The following TMEM163 variants were observed in gnomAD, a reference collection of about 807,000 sequenced individuals.
TMEM163 encodes transmembrane protein 163.
A neutral mutation model predicts 29.3 loss-of-function variants in TMEM163; 17 were observed. The observed-to-expected ratio is 0.58, with a 90% CI of 0.40 to 0.87. The LOEUF is 0.87. Ranked by LOEUF, TMEM163 falls within the 40% of genes least tolerant of loss-of-function variation. The pLI is 0.00. For missense variants in TMEM163, 303 were observed against 381.5 expected (o/e 0.79, Z 1.71); for synonymous variants, 157 against 160.6 (o/e 0.98, Z 0.17).
At position 134,511,157 on chromosome 2, in the gene TMEM163, G is replaced by GGC. The variant is rs1553475810; in HGVS notation, c.459-8161_459-8160insGC. 4.6e-5 allele frequency among the ~76,000 whole-genome samples: 7 copies of GGC among 150,882 alleles called. 1 individual carries two copies. The East Asian group carries it at 5.9e-4, about 13-fold the overall frequency. ...AGAAAAAAGGGGAGAACAAGGCGGG[G>GGC]GGGGGTGCTGTTACTTTATATCCAG... is the stretch of plus-strand genomic sequence containing the variant. On this transcript the variant is annotated intron_variant, in intron 4 of 7. Transcript: ENST00000281924.
intron 2 of TMEM163, among the ~76,000 whole-genome samples, chr2:134,671,044 C>G (rs1233848173): frequency 6.6e-6 from 1 of 152,178 alleles, no homozygotes. Flanking sequence ...CAAAGGACCC[C>G]CTCTGGGAAC....
intron 4 of TMEM163, among the ~76,000 whole-genome samples, chr2:134,546,559 G>T (rs1320046086): frequency 6.6e-6 from 1 of 151,804 alleles, no homozygotes; most frequent in Non-Finnish European, 1.5e-5. Flanking sequence ...CAGGAGAATG[G>T]CATGAACCCG....
At chr2:134,702,481 C>T (rs1380374982) in intron 2 of TMEM163, among the ~76,000 whole-genome samples, 2 of 151,914 alleles carry the variant, frequency 1.3e-5, no homozygotes, top group African/African-American at 2.4e-5. Flanking sequence ...CGTGTCTCTA[C>T]AAAAAATTCC....
intron 4 of TMEM163, among the ~76,000 whole-genome samples, chr2:134,542,224 T>C (rs941040485): frequency 6.6e-6 from 1 of 151,848 alleles, no homozygotes; most frequent in African/African-American, 2.4e-5. Flanking sequence ...GGATAGAAAG[T>C]AAGTTATTCA....
chr2:134,666,962 T>G (rs1387305988), intron 2 of TMEM163, among the ~76,000 whole-genome samples: 1 of 152,220 alleles, frequency 6.6e-6, no homozygotes, highest in African/African-American at 2.4e-5. Context: ...CTCCTTGCAC[T>G]GCCAAAGCCC....
At chr2:134,551,814 C>T (rs1680934499) in intron 3 of TMEM163, among the ~76,000 whole-genome samples, 1 of 152,236 alleles carries the variant, frequency 6.6e-6, no homozygotes, top group Non-Finnish European at 1.5e-5. Context: ...TCTCACCCAA[C>T]CACGTTGTGG....
intron 2 of TMEM163, among the ~76,000 whole-genome samples, chr2:134,569,877 G>A (rs1242273587): frequency 6.6e-6 from 1 of 152,178 alleles, no homozygotes; most frequent in Non-Finnish European, 1.5e-5. Flanking sequence ...TGAGTAGTGT[G>A]ATAAAATCTC....
intron 2 of TMEM163, among the ~76,000 whole-genome samples, chr2:134,646,443 TTTTATTTATTTA>T (rs998302386): frequency 1.3e-5 from 2 of 151,630 alleles, no homozygotes; most frequent in Non-Finnish European, 2.9e-5. Flanking sequence ...CATTCTATGC[TTTTATTTATTTA>T]TTTATTTATT....
chr2:134,574,514 C>T (rs1431893745), intron 2 of TMEM163, among the ~76,000 whole-genome samples: 5 of 152,134 alleles, frequency 3.3e-5, no homozygotes, highest in Non-Finnish European at 5.9e-5. Context: ...GAGCCAAGAT[C>T]GCGCCACTGC....
chr2:134,699,361 C>T lies in TMEM163; in HGVS notation c.322+13839G>A, dbSNP rs1410103164. Among the ~76,000 whole-genome samples the T allele has an allele frequency of 2.6e-5, 4 of 152,164 alleles. No individual in the cohort carries two copies. In the East Asian group the frequency reaches 7.7e-4, roughly 29 times the overall value. On this transcript the variant is annotated intron_variant, in intron 2 of 7. Coordinates refer to ENST00000281924, the MANE Select transcript of TMEM163 (RefSeq NM_030923.5). ...TCTACTAAAAATACAAAAAATTAGC[C>T]AGGCGTGTGGTACACGTCTGTAGTG...
At chr2:134,669,458 C>G (rs2104865490) in intron 2 of TMEM163, among the ~76,000 whole-genome samples, 1 of 152,290 alleles carries the variant, frequency 6.6e-6, no homozygotes, top group South Asian at 2.1e-4. Flanking sequence ...TCTCTAACAC[C>G]CTCATTCCAA....
intron 4 of TMEM163, among the ~76,000 whole-genome samples, chr2:134,546,738 G>C (rs1284068142): frequency 6.6e-6 from 1 of 151,882 alleles, no homozygotes; most frequent in Non-Finnish European, 1.5e-5. Context: ...GCCTGAACCT[G>C]GGAGGCTGAG....
chr2:134,474,225 A>G (rs1038860511), intron 5 of TMEM163, among the ~76,000 whole-genome samples: 3 of 152,204 alleles, frequency 2.0e-5, no homozygotes, highest in African/African-American at 7.2e-5. Context: ...AATCAAAGCA[A>G]TTTCCCATAT....
intron 6 of TMEM163, among the ~76,000 whole-genome samples, chr2:134,465,587 T>C (rs1254727210): frequency 2.0e-5 from 3 of 152,234 alleles, no homozygotes; most frequent in Non-Finnish European, 4.4e-5. Context: ...AAGTTCCTCC[T>C]GTCCCACAGG....
At chr2:134,505,160 T>C (rs1679791680) in intron 4 of TMEM163, among the ~76,000 whole-genome samples, 1 of 151,726 alleles carries the variant, frequency 6.6e-6, no homozygotes, top group South Asian at 2.1e-4. Flanking sequence ...CACTCTTCAA[T>C]TAACCTTTTC....
intron 5 of TMEM163, among the ~76,000 whole-genome samples, chr2:134,482,563 G>A (rs963276454): frequency 2.0e-5 from 3 of 152,138 alleles, no homozygotes; most frequent in African/African-American, 7.2e-5. Flanking sequence ...AATGCTGGCT[G>A]AATAGTAAAT....
chr2:134,716,904 G>C (rs575727400), intron 1 of TMEM163, among the ~76,000 whole-genome samples: 2 of 152,294 alleles, frequency 1.3e-5, no homozygotes, highest in Admixed American at 1.3e-4. Flanking sequence ...ACACAGCACC[G>C]GGTTCTTTGG....
intron 2 of TMEM163, among the ~76,000 whole-genome samples, chr2:134,655,637 T>A (rs1476487878): frequency 1.4e-5 from 2 of 140,838 alleles, no homozygotes; most frequent in Non-Finnish European, 3.0e-5. Flanking sequence ...CATTTTAGAG[T>A]TTCCAGTTTT....
chr2:134,623,596 C>T (rs1682785461), intron 2 of TMEM163, among the ~76,000 whole-genome samples: 1 of 152,012 alleles, frequency 6.6e-6, no homozygotes, highest in Non-Finnish European at 1.5e-5. Flanking sequence ...GGAGAAACTC[C>T]ATCTCTATTA....
Sources: allele counts gnomAD v4.1 joint callset (sites outside exome capture counted in the v4.1 genomes callset), GRCh38; gene constraint gnomAD v4.1.1; transcripts MANE v1.5; gene names NCBI Gene and HGNC (gene_info 2026-07-23, HGNC 2026-07-21).